The following ANK2 variants were observed in gnomAD, a reference collection of about 807,000 sequenced individuals.
The protein encoded by ANK2 is ankyrin 2.
ANK2 carries 83 observed loss-of-function variants against 360.5 expected under a neutral mutation model. That is an observed-to-expected ratio of 0.23 (90% CI 0.19 to 0.28). ANK2 has a LOEUF of 0.28. ANK2 is among the 10% of genes least tolerant of loss of function. ANK2 has a pLI of 1.00. For synonymous variants in ANK2, 1,740 were observed against 1,759.5 expected (o/e 0.99, Z 0.28); for missense variants, 4,201 against 4,795.7 (o/e 0.88, Z 3.66).
At chr4:112,964,111 C>T (rs1259411107) in intron 2 of ANK2, among the ~76,000 whole-genome samples, 1 of 145,890 alleles carries the variant, frequency 6.9e-6, no homozygotes, top group African/African-American at 2.6e-5. Context: ...TTTGTGGGTA[C>T]ATAGGTGGTG....
chr4:113,329,868 A>C (rs192401360), intron 26 of ANK2, among the ~76,000 whole-genome samples: 2 of 152,212 alleles, frequency 1.3e-5, no homozygotes. Context: ...GGATGTACAC[A>C]TAAGGAAGCA....
chr4:113,046,942 A>AG (rs2064666601), upstream of ANK2, among the ~76,000 whole-genome samples: 1 of 152,210 alleles, frequency 6.6e-6, no homozygotes, highest in Admixed American at 6.5e-5. Context: ...TGCATTGCAG[A>AG]GGTGATGTCC....
intron 1 of ANK2, among the ~76,000 whole-genome samples, chr4:113,097,701 G>A (rs2091670135): frequency 6.6e-6 from 1 of 151,714 alleles, no homozygotes; most frequent in African/African-American, 2.4e-5. Flanking sequence ...CCCAGATGTA[G>A]GGAAATCAGA....
rs200735587 is a variant in ANK2, at chr4:113,356,637, T to C, written c.8019T>C (p.Leu2673=). The change falls in exon 38 of 46, where the codon CTT becomes CTC. Residue 2673 remains leucine, a synonymous_variant. Transcript: ENST00000357077. ...AAAGTGAACCTGAGTTGGCACAGCT[T>C]AAAAAAGGTGCTGACTCAGGCCTTT... is the stretch of plus-strand genomic sequence containing the variant. ...SSESEPELAQ[L]KKGADSGLLP... 4.1e-5 allele frequency: 66 copies of C among 1,613,890 alleles called. No individual in the cohort carries two copies. The highest frequency in any genetic ancestry group is 5.4e-5 in the Non-Finnish European group (64 of 1,179,956).
chr4:113,323,636 G>T lies in ANK2; in HGVS notation c.2900+5016G>T, dbSNP rs71604969. 3.3e-6 allele frequency: 3 copies of T among 911,016 alleles called. No individual in the cohort carries two copies. In the East Asian group the frequency reaches 8.8e-5, roughly 27 times the overall value. The allele number at this position is 911,016 out of a possible 1,614,324, so 56.4% of individuals were successfully genotyped here. A position where few individuals can be genotyped will look rare whatever the true frequency, so the allele number is the denominator to read the frequency against. On this transcript the variant is annotated intron_variant, in intron 26 of 45. Coordinates refer to ENST00000357077, the MANE Select transcript of ANK2 (RefSeq NM_001148.6). Reference sequence around the variant, plus strand: ...CTCTTCTCGACCTATATCTCATTTGGATTTCCATTTGTTTTCAATGAATAA... The same window carrying T: ...CTCTTCTCGACCTATATCTCATTTGTATTTCCATTTGTTTTCAATGAATAA...
At chr4:112,757,709 A>T in the ANK2 span, among the ~76,000 whole-genome samples, 2 of 152,202 alleles carry the variant, frequency 1.3e-5, no homozygotes, top group African/African-American at 4.8e-5. Context: ...CTTTTGACTC[A>T]TGAATATCTT....
At chr4:113,163,533 G>A (rs2097623629) in intron 1 of ANK2, among the ~76,000 whole-genome samples, 1 of 151,718 alleles carries the variant, frequency 6.6e-6, no homozygotes, top group Non-Finnish European at 1.5e-5. Flanking sequence ...GGGAGGCCGA[G>A]GCGGGTGGAT....
chr4:113,275,286 ATTTTTCCCATGCTTTATACATGCTG>A (rs945505908), intron 15 of ANK2, among the ~76,000 whole-genome samples: 9 of 152,296 alleles, frequency 5.9e-5, no homozygotes, highest in African/African-American at 1.7e-4. Context: ...GGGCAGAGTA[ATTTTTCCCATGCTTTATACATGCTG>A]TTTGACATTC....
At chr4:113,124,888 G>T (rs1187215233) in intron 1 of ANK2, among the ~76,000 whole-genome samples, 4 of 152,228 alleles carry the variant, frequency 2.6e-5, no homozygotes, top group Non-Finnish European at 5.9e-5. Context: ...CCAGCACTTT[G>T]GGAGGCTGAG....
the ANK2 span, among the ~76,000 whole-genome samples, chr4:112,751,023 G>A: frequency 2.6e-5 from 4 of 152,146 alleles, no homozygotes; most frequent in South Asian, 2.1e-4. Flanking sequence ...CACCATGCTC[G>A]GCCTAGAAGA....
rs1041463054 is a variant in ANK2, at chr4:113,330,123, A to G, written c.2901-123A>G. 1.2e-5 allele frequency: 11 copies of G among 908,674 alleles called. No individual in the cohort carries two copies. In the African/African-American group the frequency reaches 1.3e-4, roughly 11 times the overall value. The allele number at this position is 908,674 out of a possible 1,614,324, so 56.3% of individuals were successfully genotyped here. The stretch of plus-strand genomic sequence containing the variant: ...AACTTTTAAAAACAAGCATTTTACC[A>G]CCATGCATTTAAATAAAAAAGAGAG... On this transcript the variant is annotated intron_variant, in intron 26 of 45. Transcript: ENST00000357077.
chr4:112,803,758 A>G, the ANK2 span, among the ~76,000 whole-genome samples: 2 of 152,244 alleles, frequency 1.3e-5, no homozygotes, highest in African/African-American at 4.8e-5. Flanking sequence ...GTAACCATAT[A>G]TAGAGACTAT....
intron 2 of ANK2, among the ~76,000 whole-genome samples, chr4:113,006,637 A>G (rs980358069): frequency 6.6e-6 from 1 of 152,202 alleles, no homozygotes; most frequent in Non-Finnish European, 1.5e-5. Flanking sequence ...TTACAAATAT[A>G]CATATTCTTT....
chr4:113,065,253 A>T (rs890457307), intron 1 of ANK2, among the ~76,000 whole-genome samples: 1 of 152,028 alleles, frequency 6.6e-6, no homozygotes, highest in African/African-American at 2.4e-5. Context: ...AAAATGTTAG[A>T]GTTGAAATTT....
intron 2 of ANK2, among the ~76,000 whole-genome samples, chr4:112,920,776 C>T (rs1312153814): frequency 6.6e-6 from 1 of 152,068 alleles, no homozygotes; most frequent in African/African-American, 2.4e-5. Flanking sequence ...TTTAGTTGAA[C>T]CCTCATATTC....
At chr4:113,219,631 A>G (rs1375052212) in intron 4 of ANK2, among the ~76,000 whole-genome samples, 6 of 152,114 alleles carry the variant, frequency 3.9e-5, no homozygotes, top group Non-Finnish European at 8.8e-5. Context: ...AAAATGATCC[A>G]CCTGCTTTTT....
intron 1 of ANK2, among the ~76,000 whole-genome samples, chr4:113,075,292 C>A (rs544502771): frequency 6.6e-6 from 1 of 152,256 alleles, no homozygotes; most frequent in South Asian, 2.1e-4. Context: ...TCAATCATAT[C>A]TTTTTATATA....
intron 43 of ANK2, among the ~76,000 whole-genome samples, chr4:113,371,853 C>T (rs2096749771): frequency 1.3e-5 from 2 of 152,118 alleles, no homozygotes; most frequent in African/African-American, 2.4e-5. Context: ...AACAAAATTT[C>T]ATTAGGGAAG....
Position 113,222,479 on chromosome 4 carries a change from C to T in ANK2, c.385-9682C>T, listed in dbSNP as rs75380878. On this transcript the variant is annotated intron_variant, in intron 4 of 45. Coordinates refer to ENST00000357077, the MANE Select transcript of ANK2 (RefSeq NM_001148.6). Reference sequence around the variant, plus strand: ...TGGTGCAACCTCGGCTCACCGCAACCTCTGCTTCCTTGGTTTCAGCAATTA... The same window carrying T: ...TGGTGCAACCTCGGCTCACCGCAACTTCTGCTTCCTTGGTTTCAGCAATTA... 5.0e-3 allele frequency among the ~76,000 whole-genome samples: 747 copies of T among 150,904 alleles called. 3 individuals are homozygous for T. The highest frequency in any genetic ancestry group is 7.9e-3 in the Non-Finnish European group (533 of 67,896).
Sources: gnomAD v4.1 joint callset for allele counts (sites outside exome capture counted in the v4.1 genomes callset) on GRCh38, gnomAD v4.1.1 for gene constraint, MANE v1.5 for transcripts, NCBI Gene and HGNC (gene_info 2026-07-23, HGNC 2026-07-21) for gene names.